The following PTPN13 variants were observed in gnomAD, a reference collection of about 807,000 sequenced individuals.
PTPN13 encodes the protein tyrosine-protein phosphatase non-receptor type 13.
A neutral mutation model predicts 284.0 loss-of-function variants in PTPN13; 191 were observed. That is an observed-to-expected ratio of 0.67 (90% CI 0.60 to 0.76). The LOEUF (loss-of-function observed/expected upper bound fraction) is 0.76. Among genes scored for constraint, PTPN13 ranks in the 30% least tolerant of loss-of-function variants. The pLI is 0.00. For synonymous variants in PTPN13, 986 were observed against 1,022.3 expected (o/e 0.96, Z 0.68); for missense variants, 2,797 against 2,939.9 (o/e 0.95, Z 1.12).
chr4:86,800,860 C>G (rs2075183493), intron 42 of PTPN13, among the ~76,000 whole-genome samples: 1 of 152,186 alleles, frequency 6.6e-6, no homozygotes. Context: ...GTTCCTGTTG[C>G]ACTGACATGC....
At chr4:86,654,126 G>A (rs1725450160) in intron 2 of PTPN13, among the ~76,000 whole-genome samples, 1 of 152,070 alleles carries the variant, frequency 6.6e-6, no homozygotes, top group South Asian at 2.1e-4. Flanking sequence ...AGAAGCAAGA[G>A]CAAACACATT....
intron 2 of PTPN13, among the ~76,000 whole-genome samples, chr4:86,645,252 A>G (rs1248105775): frequency 6.6e-6 from 1 of 151,882 alleles, no homozygotes; most frequent in Non-Finnish European, 1.5e-5. Context: ...AACTACCTCA[A>G]CCTAATAACG....
At chr4:86,738,129 C>T (rs1735744733) in intron 15 of PTPN13, among the ~76,000 whole-genome samples, 1 of 151,610 alleles carries the variant, frequency 6.6e-6, no homozygotes, top group African/African-American at 2.4e-5. Flanking sequence ...ACATAATTTG[C>T]TTATTCTTTT....
chr4:86,786,679 T>C (rs1353921247), intron 40 of PTPN13, among the ~76,000 whole-genome samples: 4 of 152,190 alleles, frequency 2.6e-5, no homozygotes, highest in African/African-American at 9.6e-5. Context: ...GAGAAGATTT[T>C]CTGAACATTT....
At chr4:86,638,438 G>A (rs539715098) in intron 2 of PTPN13, among the ~76,000 whole-genome samples, 45 of 152,128 alleles carry the variant, frequency 3.0e-4, no homozygotes, top group East Asian at 2.7e-3. Context: ...ATACTACAAG[G>A]CTACAGTAAC....
intron 14 of PTPN13, among the ~76,000 whole-genome samples, 183 bp downstream of exon 14, chr4:86,735,058 A>AT (rs142916492): frequency 0.082 from 12,492 of 151,476 alleles, 649 homozygotes; most frequent in Non-Finnish European, 0.11. Flanking sequence ...GAAGTGTGGG[A>AT]TTTTTTTTTC....
At chr4:86,622,706 A>G (rs1250146957) in intron 1 of PTPN13, among the ~76,000 whole-genome samples, 1 of 152,136 alleles carries the variant, frequency 6.6e-6, no homozygotes, top group Non-Finnish European at 1.5e-5. Context: ...TTTTCTTGTT[A>G]GTCTTCATCT....
intron 10 of PTPN13, among the ~76,000 whole-genome samples, chr4:86,725,993 G>A (rs1734207500): frequency 1.3e-5 from 2 of 149,550 alleles, no homozygotes; most frequent in African/African-American, 4.9e-5. Flanking sequence ...ATTAATTTTT[G>A]TATAAGGTGG....
intron 2 of PTPN13, among the ~76,000 whole-genome samples, chr4:86,636,544 C>T (rs562899526): frequency 5.8e-4 from 89 of 152,222 alleles, no homozygotes; most frequent in Non-Finnish European, 1.0e-3. Context: ...AGTGATAGTT[C>T]TGAAAGTGTG....
rs367746985 is a variant in PTPN13 at position 86,764,782 on chromosome 4, G to C, written c.4149+58G>C. 6.5e-6 allele frequency: 10 copies of C among 1,529,788 alleles called. No homozygotes were observed. The African/African-American group carries it at 1.1e-4, about 18-fold the overall frequency. 94.8% of individuals were successfully genotyped at this position (1,529,788 alleles called of 1,614,324 possible). A position where few individuals can be genotyped will look rare whatever the true frequency, so the allele number is the denominator to read the frequency against. The stretch of plus-strand genomic sequence containing the variant: ...CTTCTTTAATTTCCAGCAGCCTATT[G>C]TATGTCAACTTTTTAATTGAATTAT... On this transcript the variant is annotated intron_variant, in intron 25 of 47. Coordinates refer to ENST00000411767, the MANE Select transcript of PTPN13 (RefSeq NM_080683.3).
chr4:86,758,451 T>A, intron 21 of PTPN13, 102 bp downstream of exon 21: 1 of 1,060,368 alleles, frequency 9.4e-7, no homozygotes, highest in Non-Finnish European at 1.4e-6. Flanking sequence ...ACTTCTGGTC[T>A]CAAGATACTG....
intron 1 of PTPN13, among the ~76,000 whole-genome samples, chr4:86,607,943 A>G (rs1764938122): frequency 6.6e-6 from 1 of 152,074 alleles, no homozygotes; most frequent in Admixed American, 6.5e-5. Flanking sequence ...GATGCTCATC[A>G]CAGCATTATT....
intron 42 of PTPN13, among the ~76,000 whole-genome samples, chr4:86,803,064 CTGTGTGTGTGTGTGTGTG>C (rs143647187): frequency 7.3e-6 from 1 of 136,154 alleles, no homozygotes; most frequent in South Asian, 2.5e-4. Context: ...CAGAATAAGA[CTGTGTGTGTGTGTGTGTG>C]TGTGTGTGTG....
intron 42 of PTPN13, among the ~76,000 whole-genome samples, chr4:86,801,974 A>G (rs1049759600): frequency 2.6e-5 from 4 of 152,318 alleles, no homozygotes; most frequent in South Asian, 2.1e-4. Context: ...TGATGGTTCC[A>G]TTGGCTCTGT....
chr4:86,668,438 A>T (rs1470949500), intron 2 of PTPN13, among the ~76,000 whole-genome samples: 1 of 152,144 alleles, frequency 6.6e-6, no homozygotes, highest in Non-Finnish European at 1.5e-5. Flanking sequence ...CTGTGGTTTG[A>T]CTATGTTTTC....
intron 1 of PTPN13, among the ~76,000 whole-genome samples, chr4:86,609,460 G>T (rs1765073719): frequency 6.6e-6 from 1 of 152,212 alleles, no homozygotes; most frequent in African/African-American, 2.4e-5. Context: ...TTCATTTTCA[G>T]TAATGTCACC....
intron 17 of PTPN13, among the ~76,000 whole-genome samples, chr4:86,748,412 A>T (rs1297474593): frequency 6.6e-6 from 1 of 152,196 alleles, no homozygotes; most frequent in Non-Finnish European, 1.5e-5. Flanking sequence ...AGTAGGCTAC[A>T]AATGGATTTG....
At chr4:86,597,823 TCA>T (rs538935138) in intron 1 of PTPN13, among the ~76,000 whole-genome samples, 1 of 152,138 alleles carries the variant, frequency 6.6e-6, no homozygotes, top group Non-Finnish European at 1.5e-5. Flanking sequence ...ACCATAAACT[TCA>T]CATGTTTTTC....
chr4:86,786,549 T>C (rs188926910), intron 40 of PTPN13, among the ~76,000 whole-genome samples: 26 of 152,310 alleles, frequency 1.7e-4, no homozygotes, highest in African/African-American at 6.0e-4. Context: ...TTTCTCAAGC[T>C]ACAAGAATAA....
Sources: gnomAD v4.1 joint callset for allele counts (sites outside exome capture counted in the v4.1 genomes callset) on GRCh38, gnomAD v4.1.1 for gene constraint, MANE v1.5 for transcripts, NCBI Gene and HGNC (gene_info 2026-07-23, HGNC 2026-07-21) for gene names.